The following CTNND2 variants were observed in gnomAD, a reference collection of about 807,000 sequenced individuals.
The protein encoded by CTNND2 is catenin delta-2.
CTNND2 carries 22 observed loss-of-function variants against 144.4 expected under a neutral mutation model. The observed-to-expected ratio is 0.15, with a 90% CI of 0.11 to 0.22. The LOEUF is 0.22. CTNND2 is among the 10% of genes least tolerant of loss of function. The pLI is 1.00. For missense variants in CTNND2, 1,353 were observed against 1,618.8 expected (o/e 0.84, Z 2.82); for synonymous variants, 751 against 695.6 (o/e 1.08, Z -1.25).
At chr5:11,138,463 G>T (rs1434032585) in intron 12 of CTNND2, among the ~76,000 whole-genome samples, 1 of 152,186 alleles carries the variant, frequency 6.6e-6, no homozygotes, top group Non-Finnish European at 1.5e-5. Flanking sequence ...ATTCTGCGAG[G>T]ACACGTGTTA....
intron 2 of CTNND2, among the ~76,000 whole-genome samples, chr5:11,645,095 G>A (rs1782278127): frequency 5.3e-5 from 8 of 152,012 alleles, no homozygotes; most frequent in Admixed American, 5.2e-4. Context: ...TATCTCAGAT[G>A]GCTGGGACTA....
intron 1 of CTNND2, among the ~76,000 whole-genome samples, chr5:11,776,533 G>A (rs1790264661): frequency 6.6e-6 from 1 of 152,000 alleles, no homozygotes; most frequent in African/African-American, 2.4e-5. Context: ...TAGGCTTATT[G>A]CATACTTATT....
At chr5:11,522,790 G>GT (rs1214955441) in intron 3 of CTNND2, among the ~76,000 whole-genome samples, 1 of 152,046 alleles carries the variant, frequency 6.6e-6, no homozygotes, top group African/African-American at 2.4e-5. Context: ...ATAGACACAG[G>GT]TTTTTTTCTT....
intron 3 of CTNND2, among the ~76,000 whole-genome samples, chr5:11,523,218 T>C (rs933563379): frequency 4.6e-5 from 7 of 152,246 alleles, no homozygotes; most frequent in African/African-American, 1.7e-4. Flanking sequence ...CAAATCATTC[T>C]GCATTATCTG....
chr5:11,198,306 T>C (rs1433407844), intron 11 of CTNND2, among the ~76,000 whole-genome samples: 1 of 152,198 alleles, frequency 6.6e-6, no homozygotes, highest in East Asian at 1.9e-4. Flanking sequence ...CAAAGATGAT[T>C]TTCTAGTTAT....
At chr5:11,272,077 TA>T (rs1463799034) in intron 9 of CTNND2, among the ~76,000 whole-genome samples, 2 of 152,116 alleles carry the variant, frequency 1.3e-5, no homozygotes, top group Non-Finnish European at 2.9e-5. Context: ...TCCATGTTTC[TA>T]AAAAAATACA....
At chr5:11,859,600 C>G (rs1795409952) in intron 1 of CTNND2, among the ~76,000 whole-genome samples, 2 of 152,122 alleles carry the variant, frequency 1.3e-5, no homozygotes. Flanking sequence ...CCCTAGAGAC[C>G]TTGCACATGA....
chr5:11,739,895 A>G (rs1787898439), intron 1 of CTNND2, among the ~76,000 whole-genome samples: 1 of 152,182 alleles, frequency 6.6e-6, no homozygotes, highest in African/African-American at 2.4e-5. Context: ...CCTATACACC[A>G]ATAGAAGACA....
intron 3 of CTNND2, among the ~76,000 whole-genome samples, chr5:11,432,824 G>A (rs996576511): frequency 9.9e-5 from 15 of 152,146 alleles, no homozygotes; most frequent in African/African-American, 3.6e-4. Flanking sequence ...CTCTAAAGGG[G>A]CTGAAATCTG....
chr5:11,340,733 G>A, intron 9 of CTNND2, among the ~76,000 whole-genome samples: 1 of 152,128 alleles, frequency 6.6e-6, no homozygotes, highest in South Asian at 2.1e-4. Context: ...TGATTCTACA[G>A]CTCAAATAGG....
chr5:11,153,406 A>G (rs1000835026), intron 12 of CTNND2, among the ~76,000 whole-genome samples: 1 of 152,220 alleles, frequency 6.6e-6, no homozygotes, highest in African/African-American at 2.4e-5. Flanking sequence ...GATGAATAAT[A>G]TTGGCAGACA....
intron 10 of CTNND2, 64 bp from the exon 11 acceptor site, chr5:11,199,725 A>C: frequency 1.7e-6 from 2 of 1,195,866 alleles, no homozygotes; most frequent in Non-Finnish European, 2.5e-6. Flanking sequence ...ACACCAAAAC[A>C]TGTTTTTCAT....
chr5:11,143,769 G>C (rs1756971976), intron 12 of CTNND2, among the ~76,000 whole-genome samples: 1 of 152,246 alleles, frequency 6.6e-6, no homozygotes, highest in Non-Finnish European at 1.5e-5. Flanking sequence ...GGGTGATGAA[G>C]CTCTGGCATT....
At chr5:11,098,512 A>C in intron 15 of CTNND2, 63 bp downstream of exon 15, 1 of 1,427,370 alleles carries the variant, frequency 7.0e-7, no homozygotes. Context: ...CTGGACTTAT[A>C]TTGTTTTCTG....
intron 2 of CTNND2, among the ~76,000 whole-genome samples, chr5:11,575,884 C>A (rs1777936569): frequency 6.6e-6 from 1 of 152,202 alleles, no homozygotes; most frequent in South Asian, 2.1e-4. Flanking sequence ...CAAGCTCATC[C>A]ATTCCGAAAG....
intron 2 of CTNND2, among the ~76,000 whole-genome samples, chr5:11,666,617 T>C (rs550182836): frequency 6.6e-6 from 1 of 152,286 alleles, no homozygotes; most frequent in African/African-American, 2.4e-5. Flanking sequence ...GTTCTCTTTA[T>C]GCCACTGAGT....
chr5:11,655,615 C>G (rs114139721), intron 2 of CTNND2, among the ~76,000 whole-genome samples: 232 of 152,194 alleles, frequency 1.5e-3, no homozygotes, highest in African/African-American at 5.5e-3. Flanking sequence ...GAAGTCCATA[C>G]ATTGTTCAGC....
At chr5:11,646,045 A>C (rs751972668) in intron 2 of CTNND2, among the ~76,000 whole-genome samples, 3 of 151,972 alleles carry the variant, frequency 2.0e-5, no homozygotes, top group Non-Finnish European at 2.9e-5. Context: ...GTCCTCTGTG[A>C]ATCTTCTTTC....
At chr5:11,439,500 G>A (rs1764057027) in intron 3 of CTNND2, among the ~76,000 whole-genome samples, 2 of 152,138 alleles carry the variant, frequency 1.3e-5, no homozygotes, top group Non-Finnish European at 2.9e-5. Flanking sequence ...CTTATTAATA[G>A]TTGGAGTTAT....
Sources: gnomAD v4.1 joint callset for allele counts (sites outside exome capture counted in the v4.1 genomes callset) on GRCh38, gnomAD v4.1.1 for gene constraint, MANE v1.5 for transcripts, NCBI Gene and HGNC (gene_info 2026-07-23, HGNC 2026-07-21) for gene names.